The following DLG2 variants were observed in gnomAD, a reference collection of about 807,000 sequenced individuals.
The protein encoded by DLG2 is discs large MAGUK scaffold protein 2.
A neutral mutation model predicts 132.5 loss-of-function variants in DLG2; 45 were observed. The ratio of observed to expected loss-of-function variants is 0.34; its 90% CI spans 0.27 to 0.44. The LOEUF (loss-of-function observed/expected upper bound fraction) is 0.44. Ranked by LOEUF, DLG2 falls within the 20% of genes least tolerant of loss-of-function variation. DLG2 has a pLI of 1.00. For missense variants in DLG2, 1,045 were observed against 1,196.9 expected, an observed-to-expected ratio of 0.87 and a Z score of 1.87; for synonymous variants, 424 against 419.6, an observed-to-expected ratio of 1.01 and a Z score of -0.13.
At chr11:84,026,329 T>C (rs549144768) in intron 11 of DLG2, among the ~76,000 whole-genome samples, 1 of 152,188 alleles carries the variant, frequency 6.6e-6, no homozygotes, top group Admixed American at 6.6e-5. Flanking sequence ...GAAACCACCC[T>C]AGTCATGGAA....
intron 6 of DLG2, among the ~76,000 whole-genome samples, chr11:84,559,231 T>C (rs2099418227): frequency 6.6e-6 from 1 of 152,126 alleles, no homozygotes; most frequent in African/African-American, 2.4e-5. Flanking sequence ...TTATTACTGT[T>C]GTCATTATAA....
At chr11:84,878,502 A>G (rs964083888) in intron 6 of DLG2, among the ~76,000 whole-genome samples, 2 of 152,126 alleles carry the variant, frequency 1.3e-5, no homozygotes, top group African/African-American at 4.8e-5. Flanking sequence ...TGGGAGTTGA[A>G]CAATGAGAAC....
At chr11:84,654,213 A>C (rs2099685446) in intron 6 of DLG2, among the ~76,000 whole-genome samples, 1 of 152,140 alleles carries the variant, frequency 6.6e-6, no homozygotes, top group East Asian at 1.9e-4. Flanking sequence ...CTTGAAGTGA[A>C]GATTTTTGTG....
intron 11 of DLG2, among the ~76,000 whole-genome samples, chr11:83,989,158 C>T (rs1280895817): frequency 6.6e-6 from 1 of 152,102 alleles, no homozygotes; most frequent in Non-Finnish European, 1.5e-5. Context: ...AAACAGTGAG[C>T]CATGGTAGCT....
chr11:85,372,788 G>A (rs1260341388), intron 3 of DLG2, among the ~76,000 whole-genome samples: 2 of 151,614 alleles, frequency 1.3e-5, no homozygotes, highest in East Asian at 3.9e-4. Flanking sequence ...CCAGAACTCA[G>A]GAATACAAGG....
At chr11:83,956,137 C>G (rs2086763732) in intron 14 of DLG2, among the ~76,000 whole-genome samples, 1 of 152,196 alleles carries the variant, frequency 6.6e-6, no homozygotes, top group Non-Finnish European at 1.5e-5. Flanking sequence ...CCCTCTCTAG[C>G]TCCCCTCCCT....
At chr11:83,565,272 C>G (rs192193501) in intron 19 of DLG2, among the ~76,000 whole-genome samples, 69 of 152,250 alleles carry the variant, frequency 4.5e-4, no homozygotes, top group African/African-American at 1.5e-3. Flanking sequence ...ATCCTTAACT[C>G]ACATCTCAAA....
intron 6 of DLG2, among the ~76,000 whole-genome samples, chr11:84,735,241 G>C (rs1160002145): frequency 6.6e-6 from 1 of 152,166 alleles, no homozygotes; most frequent in African/African-American, 2.4e-5. Context: ...ACCTCTGGTA[G>C]AATTTGGCTG....
intron 3 of DLG2, among the ~76,000 whole-genome samples, chr11:85,463,603 T>C (rs986032746): frequency 1.3e-5 from 2 of 152,074 alleles, no homozygotes; most frequent in African/African-American, 4.8e-5. Context: ...ACATAGTCTA[T>C]AAAAAAATTT....
At chr11:84,381,334 G>A (rs1396687878) in intron 7 of DLG2, among the ~76,000 whole-genome samples, 4 of 151,964 alleles carry the variant, frequency 2.6e-5, no homozygotes, top group East Asian at 1.9e-4. Context: ...AAACATTTCT[G>A]TAGAATGAGG....
chr11:84,242,325 G>A (rs1190535474), intron 8 of DLG2, among the ~76,000 whole-genome samples: 3 of 152,116 alleles, frequency 2.0e-5, no homozygotes, highest in Admixed American at 1.3e-4. Flanking sequence ...TGAATGGTAA[G>A]TAGGTCAGGT....
chr11:84,921,599 T>A (rs988993738), intron 6 of DLG2, among the ~76,000 whole-genome samples: 1 of 152,176 alleles, frequency 6.6e-6, no homozygotes, highest in Non-Finnish European at 1.5e-5. Flanking sequence ...TGGACTTAAG[T>A]TTTCCTGCAC....
intron 3 of DLG2, among the ~76,000 whole-genome samples, chr11:85,426,291 G>A (rs1438448815): frequency 6.6e-6 from 1 of 152,184 alleles, no homozygotes; most frequent in East Asian, 1.9e-4. Context: ...GGTTCTCCCA[G>A]CACGCAGTTG....
intron 3 of DLG2, among the ~76,000 whole-genome samples, chr11:85,445,209 G>T (rs1260933426): frequency 6.6e-6 from 1 of 152,188 alleles, no homozygotes; most frequent in African/African-American, 2.4e-5. Flanking sequence ...GTAGTTAAAA[G>T]ATTTAATGTA....
chr11:84,065,868 A>G (rs574955534), intron 10 of DLG2, among the ~76,000 whole-genome samples: 58 of 152,336 alleles, frequency 3.8e-4, no homozygotes, highest in Non-Finnish European at 6.8e-4. Flanking sequence ...CATATATACA[A>G]TGGAATACTA....
At chr11:83,589,346 AAAG>A (rs2097148055) in intron 19 of DLG2, among the ~76,000 whole-genome samples, 2 of 146,092 alleles carry the variant, frequency 1.4e-5, no homozygotes, top group African/African-American at 5.0e-5. Flanking sequence ...CAACATTCTT[AAAG>A]AAAAGAATTT....
intron 17 of DLG2, among the ~76,000 whole-genome samples, chr11:83,823,089 C>T (rs993961112): frequency 6.6e-6 from 1 of 152,186 alleles, no homozygotes; most frequent in African/African-American, 2.4e-5. Flanking sequence ...TATGGTAATG[C>T]AAATCTAAGG....
chr11:84,833,509 C>A (rs2153998156), intron 6 of DLG2, among the ~76,000 whole-genome samples: 1 of 151,522 alleles, frequency 6.6e-6, no homozygotes, highest in African/African-American at 2.4e-5. Flanking sequence ...TGACTTAGAC[C>A]ACACTGGGTT....
chr11:85,281,651 C>T (rs948504708), intron 4 of DLG2, among the ~76,000 whole-genome samples: 2 of 151,824 alleles, frequency 1.3e-5, no homozygotes, highest in African/African-American at 2.4e-5. Context: ...CTTATCTGTC[C>T]TCCTCTTTGA....
Sources: allele counts gnomAD v4.1 joint callset (sites outside exome capture counted in the v4.1 genomes callset), GRCh38; gene constraint gnomAD v4.1.1; transcripts MANE v1.5; gene names NCBI Gene and HGNC (gene_info 2026-07-23, HGNC 2026-07-21).